The following LEKR1 variants were observed in gnomAD, a reference collection of about 807,000 sequenced individuals.
LEKR1 encodes the protein leucine, glutamate and lysine rich 1.
In LEKR1, 59 loss-of-function variants were observed where a neutral mutation model predicts 72.4. That is an observed-to-expected ratio of 0.82 (90% CI 0.66 to 1.01). The LOEUF is 1.01. Among genes scored for constraint, LEKR1 ranks in the 50% least tolerant of loss-of-function variants. The pLI is 0.00. For missense variants in LEKR1, 728 were observed against 759.2 expected (o/e 0.96, Z 0.48); for synonymous variants, 257 against 263.2 (o/e 0.98, Z 0.23).
At chr3:156,903,390 G>A (rs1360790036) in intron 3 of LEKR1, among the ~76,000 whole-genome samples, 1 of 151,336 alleles carries the variant, frequency 6.6e-6, no homozygotes, top group African/African-American at 2.4e-5. Context: ...TTATTTAACT[G>A]TATACTTCCC....
intron 10 of LEKR1, among the ~76,000 whole-genome samples, chr3:157,014,598 T>C (rs1045987791): frequency 1.3e-5 from 2 of 152,144 alleles, no homozygotes; most frequent in African/African-American, 4.8e-5. Flanking sequence ...TTATAAAATA[T>C]CAATTTTAAT....
chr3:156,852,960 G>C lies in LEKR1; in HGVS notation c.241G>C (p.Asp81His). Residue 81 changes from aspartate to histidine, a missense_variant, in exon 3 of 13, where the codon GAC (aspartate) becomes CAC (histidine). By Grantham distance (81) the Asp-to-His change is moderately conservative. Transcript: ENST00000356539. ...LSQELEQYKI[D>H]NKSKTERIYD... is the part of the protein sequence containing the mutation. The stretch of plus-strand genomic sequence containing the variant: ...CCAAGAACTTGAACAGTACAAAATT[G>C]ACAACAAATCCAAAACAGAAAGGTT... The C allele has an allele frequency of 6.5e-7, 1 of 1,533,676 alleles. No homozygotes were observed. The highest frequency in any genetic ancestry group is 8.7e-7 in the Non-Finnish European group (1 of 1,144,926).
chr3:157,019,817 T>A (rs1733666783), intron 10 of LEKR1, among the ~76,000 whole-genome samples: 1 of 152,200 alleles, frequency 6.6e-6, no homozygotes. Flanking sequence ...GTTGTGTTTA[T>A]GGGCTCATAA....
chr3:156,933,506 T>C (rs1358440214), intron 5 of LEKR1, among the ~76,000 whole-genome samples: 1 of 152,214 alleles, frequency 6.6e-6, no homozygotes, highest in Non-Finnish European at 1.5e-5. Flanking sequence ...TGTAATGAGG[T>C]ATTCATATAA....
At chr3:157,016,684 G>C (rs1373608628) in intron 10 of LEKR1, among the ~76,000 whole-genome samples, 2 of 152,056 alleles carry the variant, frequency 1.3e-5, no homozygotes, top group Non-Finnish European at 2.9e-5. Context: ...TAAAGATATG[G>C]GGTGTTTTTT....
intron 6 of LEKR1, among the ~76,000 whole-genome samples, chr3:156,958,808 T>C (rs1727871533): frequency 6.6e-6 from 1 of 152,156 alleles, no homozygotes; most frequent in African/African-American, 2.4e-5. Flanking sequence ...TGGTTTTATA[T>C]ACAGGTACTT....
intron 5 of LEKR1, among the ~76,000 whole-genome samples, chr3:156,941,160 A>G (rs1352643728): frequency 3.3e-5 from 5 of 152,130 alleles, no homozygotes; most frequent in Non-Finnish European, 5.9e-5. Context: ...CCCACATAAA[A>G]TAATCATTAG....
intron 5 of LEKR1, among the ~76,000 whole-genome samples, chr3:156,931,104 A>C (rs1305874815): frequency 1.3e-5 from 2 of 152,190 alleles, no homozygotes; most frequent in Admixed American, 1.3e-4. Context: ...AGAAGCTATC[A>C]GTATGAAAAT....
At chr3:156,891,307 A>G (rs1720644604) in intron 3 of LEKR1, among the ~76,000 whole-genome samples, 1 of 152,208 alleles carries the variant, frequency 6.6e-6, no homozygotes, top group Non-Finnish European at 1.5e-5. Context: ...TAAGGGTAAG[A>G]AAAAAGCATG....
chr3:157,016,237 A>G (rs1560148776), intron 10 of LEKR1, among the ~76,000 whole-genome samples: 1 of 152,150 alleles, frequency 6.6e-6, no homozygotes, highest in African/African-American at 2.4e-5. Context: ...AAGAAGCTCA[A>G]TAAGCCTCAG....
At chr3:156,998,324 A>G (rs1485843230) in intron 9 of LEKR1, among the ~76,000 whole-genome samples, 1 of 152,188 alleles carries the variant, frequency 6.6e-6, no homozygotes, top group Non-Finnish European at 1.5e-5. Flanking sequence ...ATGTACAAAT[A>G]TATTTTATAA....
At chr3:156,888,815 T>A (rs1720366608) in intron 3 of LEKR1, among the ~76,000 whole-genome samples, 1 of 152,190 alleles carries the variant, frequency 6.6e-6, no homozygotes, top group African/African-American at 2.4e-5. Flanking sequence ...AAGCCTGTCT[T>A]TGTGTCTTTT....
chr3:157,020,943 G>A (rs1402451917), intron 10 of LEKR1, among the ~76,000 whole-genome samples: 2 of 151,004 alleles, frequency 1.3e-5, no homozygotes, highest in Non-Finnish European at 3.0e-5. Flanking sequence ...AGCACCTGTT[G>A]TTTCCTGACT....
chr3:157,002,403 C>T (rs1732086226), intron 9 of LEKR1, among the ~76,000 whole-genome samples: 1 of 152,056 alleles, frequency 6.6e-6, no homozygotes, highest in South Asian at 2.1e-4. Context: ...TGATCTTGAA[C>T]AATGTGTGAG....
intron 6 of LEKR1, among the ~76,000 whole-genome samples, chr3:156,948,555 C>T (rs749429355): frequency 6.6e-6 from 1 of 150,832 alleles, no homozygotes; most frequent in Non-Finnish European, 1.5e-5. Flanking sequence ...TGACAGTGAA[C>T]GTTCAATCTG....
chr3:156,892,969 T>C (rs1720811425), intron 3 of LEKR1, among the ~76,000 whole-genome samples: 1 of 152,226 alleles, frequency 6.6e-6, no homozygotes, highest in African/African-American at 2.4e-5. Flanking sequence ...AAGATCGTTA[T>C]CTGGCATGTT....
intron 6 of LEKR1, among the ~76,000 whole-genome samples, chr3:156,953,595 A>G (rs1439901548): frequency 6.6e-6 from 1 of 151,768 alleles, no homozygotes; most frequent in Non-Finnish European, 1.5e-5. Context: ...TACAAGTGAG[A>G]ACACTGGTTT....
At chr3:156,874,118 C>T (rs773677857) in intron 3 of LEKR1, among the ~76,000 whole-genome samples, 14 of 152,076 alleles carry the variant, frequency 9.2e-5, no homozygotes, top group African/African-American at 2.2e-4. Context: ...GTTGCCTTCT[C>T]GTCTACTTGA....
chr3:156,965,019 GT>G (rs1728446022), intron 6 of LEKR1, among the ~76,000 whole-genome samples: 1 of 151,794 alleles, frequency 6.6e-6, no homozygotes, highest in Non-Finnish European at 1.5e-5. Flanking sequence ...CCATTTTCTG[GT>G]TTTGAAAAAT....
Sources: gnomAD v4.1 joint callset for allele counts (sites outside exome capture counted in the v4.1 genomes callset) on GRCh38, gnomAD v4.1.1 for gene constraint, MANE v1.5 for transcripts, NCBI Gene and HGNC (gene_info 2026-07-23, HGNC 2026-07-21) for gene names.